The following TAFA5 variants were observed in gnomAD, a reference collection of about 807,000 sequenced individuals.
The protein encoded by TAFA5 is chemokine-like protein TAFA-5.
A neutral mutation model predicts 15.3 loss-of-function variants in TAFA5; 6 were observed. That is an observed-to-expected ratio of 0.39 (90% confidence interval 0.21 to 0.77). The LOEUF (loss-of-function observed/expected upper bound fraction) is 0.77. Ranked by LOEUF, TAFA5 falls within the 30% of genes least tolerant of loss-of-function variation. The pLI is 0.41. For synonymous variants in TAFA5, 103 were observed against 80.7 expected (o/e 1.28, Z -1.48); for missense variants, 161 against 193.1 (o/e 0.83, Z 0.98).
At chr22:48,518,020 C>G (rs992209159) in intron 1 of TAFA5, among the ~76,000 whole-genome samples, 1 of 152,208 alleles carries the variant, frequency 6.6e-6, no homozygotes, top group African/African-American at 2.4e-5. Context: ...TCTCTGAACG[C>G]TGGCCGTGGT....
In TAFA5 at chr22:48,552,918, A is replaced by G. The variant is rs1353540558; in HGVS notation, c.112+63214A>G. 1.3e-5 allele frequency among the ~76,000 whole-genome samples: 2 copies of G among 152,014 alleles called. No individual in the cohort carries two copies. Among genetic ancestry groups the G allele is most frequent in the Admixed American group, 1.3e-4 (2 of 15,284 alleles). Reference sequence around the variant, plus strand: ...TGACGGCCCTGTCTGCATTCCCTGCAGAATACCCCAGAGACTCAGACCTGG... The same window carrying G: ...TGACGGCCCTGTCTGCATTCCCTGCGGAATACCCCAGAGACTCAGACCTGG... On this transcript the variant is annotated intron_variant, in intron 1 of 3. Transcript: ENST00000402357. This position sits in a 1 kb window ranked among gnomAD's most constrained non-coding sequence, Gnocchi z 4.1.
chr22:48,536,401 G>A (rs556743397), intron 1 of TAFA5, among the ~76,000 whole-genome samples: 1 of 152,356 alleles, frequency 6.6e-6, no homozygotes, highest in East Asian at 1.9e-4. Flanking sequence ...CGGAGAGGCA[G>A]GCCGTCCTTT....
chr22:48,521,206 C>T (rs1261188866), intron 1 of TAFA5, among the ~76,000 whole-genome samples: 1 of 152,166 alleles, frequency 6.6e-6, no homozygotes, highest in African/African-American at 2.4e-5. Flanking sequence ...CCCAGCAGGA[C>T]ATTGCTTTTA....
At chr22:48,505,968 G>A (rs770311061) in intron 1 of TAFA5, among the ~76,000 whole-genome samples, 6 of 152,182 alleles carry the variant, frequency 3.9e-5, no homozygotes, top group Non-Finnish European at 8.8e-5. Flanking sequence ...AATGGGACAG[G>A]ACATTCCAGG....
At chr22:48,522,479 G>A (rs557795702) in intron 1 of TAFA5, among the ~76,000 whole-genome samples, 29 of 152,228 alleles carry the variant, frequency 1.9e-4, no homozygotes, top group African/African-American at 7.0e-4. Flanking sequence ...GGGGCTGGTG[G>A]GCTCCCTGGG....
In TAFA5 at chr22:48,505,686, C is replaced by T. The variant is rs183687244; in HGVS notation, c.112+15982C>T. On this transcript the variant is annotated intron_variant, in intron 1 of 3. Transcript: ENST00000402357. ...AGTCGGCATCTCTGTCTGCAGTGAG[C>T]GTCACCCGAAGCATGCCCTGTGCAT... Among the ~76,000 whole-genome samples the T allele has an allele frequency of 2.5e-3, 378 of 152,252 alleles. 2 individuals carry two copies. The highest frequency in any genetic ancestry group is 6.8e-3 in the Middle Eastern group (2 of 294).
chr22:48,709,719 T>C lies in TAFA5; in HGVS notation c.390+1875T>C, dbSNP rs554537549. Among the ~76,000 whole-genome samples the C allele has an allele frequency of 2.6e-5, 4 of 152,342 alleles. No homozygotes were observed. In the South Asian group the frequency reaches 8.3e-4, roughly 32 times the overall value. On this transcript the variant is annotated intron_variant, in intron 3 of 3. Coordinates refer to ENST00000402357, the MANE Select transcript of TAFA5 (RefSeq NM_001082967.3). ...TCAGGAACGAACTCGGATGCACCTC[T>C]GTGAGAGGACTGCTCAGTTCACCGG...
At chr22:48,741,013 A>G (rs1221985686) in intron 3 of TAFA5, among the ~76,000 whole-genome samples, 2 of 152,120 alleles carry the variant, frequency 1.3e-5, no homozygotes, top group South Asian at 2.1e-4. Flanking sequence ...GTGGAGACCC[A>G]ACGTCCCCGA....
rs1930446151 is a variant in TAFA5, at chr22:48,750,241, G to A, written c.*394G>A. The A allele has an allele frequency of 3.4e-6, 1 of 297,042 alleles. No individual in the cohort carries two copies. The highest frequency in any genetic ancestry group is 6.3e-6 in the Non-Finnish European group (1 of 157,898). The allele number at this position is 297,042 out of a possible 1,614,324, so 18.4% of individuals were successfully genotyped here. A position where few individuals can be genotyped will look rare whatever the true frequency, so the allele number is the denominator to read the frequency against. ...GACACGACGCCTGCCCCAGGGGACT[G>A]TCAGGCACAGAAGCGGCCTCCTCCC... is the stretch of plus-strand genomic sequence containing the variant. On this transcript the variant is annotated 3_prime_UTR_variant, in exon 4 of 4. Coordinates refer to ENST00000402357, the MANE Select transcript of TAFA5 (RefSeq NM_001082967.3).
chr22:48,749,390 C>T (rs1280841698), intron 3 of TAFA5, among the ~76,000 whole-genome samples: 1 of 152,132 alleles, frequency 6.6e-6, no homozygotes, highest in African/African-American at 2.4e-5. Flanking sequence ...GGTGGGGGTG[C>T]GGCCAGGTCC....
chr22:48,709,846 G>T (rs970946379), intron 3 of TAFA5, among the ~76,000 whole-genome samples: 3 of 152,254 alleles, frequency 2.0e-5, no homozygotes, highest in African/African-American at 7.2e-5. Context: ...GACAGGGCCA[G>T]GACTGGCCCA....
chr22:48,545,590 G>A (rs575180123), intron 1 of TAFA5: 37 of 153,204 alleles, frequency 2.4e-4, no homozygotes, highest in African/African-American at 8.2e-4. Flanking sequence ...GGAGGCTCTG[G>A]GGCTGCCGCT....
At chr22:48,637,701 T>A (rs932901682) in intron 1 of TAFA5, among the ~76,000 whole-genome samples, 1 of 152,088 alleles carries the variant, frequency 6.6e-6, no homozygotes, top group African/African-American at 2.4e-5. Flanking sequence ...TGTGTGCACG[T>A]GTGGGGCATG....
intron 1 of TAFA5, among the ~76,000 whole-genome samples, chr22:48,636,020 C>G (rs1926432457): frequency 6.6e-6 from 1 of 152,250 alleles, no homozygotes; most frequent in African/African-American, 2.4e-5. Flanking sequence ...CCTGTGGGCC[C>G]TGCCCACGTT....
chr22:48,570,512 T>C (rs1923546415), intron 1 of TAFA5, among the ~76,000 whole-genome samples: 2 of 152,244 alleles, frequency 1.3e-5, no homozygotes, highest in South Asian at 4.1e-4. Flanking sequence ...TTACCCAGCC[T>C]GGCCCTGATC....
chr22:48,629,304 A>T (rs896815658), intron 1 of TAFA5, among the ~76,000 whole-genome samples: 7 of 152,104 alleles, frequency 4.6e-5, no homozygotes, highest in African/African-American at 1.7e-4. Context: ...CCTCCGGCTC[A>T]GGAAGGACAG....
intron 2 of TAFA5, among the ~76,000 whole-genome samples, chr22:48,671,409 C>T (rs1317911903): frequency 2.0e-5 from 3 of 152,140 alleles, no homozygotes; most frequent in Admixed American, 6.5e-5. Flanking sequence ...AATTCTCAGC[C>T]GAAAGTGGTG....
At chr22:48,730,714 C>T (rs1260186171) in intron 3 of TAFA5, among the ~76,000 whole-genome samples, 1 of 152,120 alleles carries the variant, frequency 6.6e-6, no homozygotes, top group Admixed American at 6.5e-5. Flanking sequence ...TGTCTTGGGG[C>T]ACCACAAACC....
intron 1 of TAFA5, among the ~76,000 whole-genome samples, chr22:48,583,241 C>T (rs1255474040): frequency 2.4e-5 from 3 of 123,800 alleles, no homozygotes; most frequent in Non-Finnish European, 1.7e-5. Flanking sequence ...CACCACACAC[C>T]GCACACACAC....
Sources: gnomAD v4.1 joint callset for allele counts (sites outside exome capture counted in the v4.1 genomes callset) on GRCh38, gnomAD v4.1.1 for gene constraint, Gnocchi (gnomAD v3.1) non-coding constraint, MANE v1.5 for transcripts, NCBI Gene and HGNC (gene_info 2026-07-23, HGNC 2026-07-21) for gene names.